DPY30: variants seen among roughly 807,000 people sequenced by gnomAD.
DPY30 encodes dpy-30 histone methyltransferase complex regulatory subunit, also known as protein dpy-30 homolog.
Under a neutral mutation model 16.2 loss-of-function variants are expected in DPY30, and 6 were observed. The observed-to-expected ratio is 0.37, with a 90% CI of 0.20 to 0.73. The LOEUF (loss-of-function observed/expected upper bound fraction) is 0.73, where lower values mean the gene tolerates loss of function less well. DPY30 is among the 30% of genes least tolerant of loss of function. The pLI is 0.51. For synonymous variants in DPY30, 39 were observed against 38.8 expected (o/e 1.00, Z -0.02); for missense variants, 73 against 113.1 (o/e 0.65, Z 1.61).
At chr2:32,026,775 A>T (rs977985073) in intron 4 of DPY30, among the ~76,000 whole-genome samples, 15 of 152,052 alleles carry the variant, frequency 9.9e-5, no homozygotes, top group Non-Finnish European at 2.2e-4. Context: ...GCAACATAGC[A>T]TCCAGCCTGG....
At chr2:32,034,303 C>T (rs1353626930) in intron 3 of DPY30, among the ~76,000 whole-genome samples, 1 of 152,194 alleles carries the variant, frequency 6.6e-6, no homozygotes, top group Non-Finnish European at 1.5e-5. Context: ...GGCCACAGTT[C>T]TGCAAGCTAC....
At chr2:32,022,939 C>A (rs1370030661), downstream of DPY30, among the ~76,000 whole-genome samples, 2 of 152,088 alleles carry the variant, frequency 1.3e-5, no homozygotes, top group African/African-American at 2.4e-5. Flanking sequence ...CTAGATAATT[C>A]TTGGGGAGGG....
At chr2:32,022,209 CAA>C (rs200317417), downstream of DPY30, among the ~76,000 whole-genome samples, 56 of 64,288 alleles carry the variant, frequency 8.7e-4, no homozygotes, top group East Asian at 1.0e-3. Flanking sequence ...GACCTTGTCT[CAA>C]AAAAAAAAAA....
downstream of DPY30, among the ~76,000 whole-genome samples, chr2:32,019,836 ATATAT>A (rs1289254216): frequency 5.7e-4 from 69 of 121,670 alleles, no homozygotes; most frequent in African/African-American, 2.2e-3. Context: ...AAAAAAAAAA[ATATAT>A]ATATATATAT....
downstream of DPY30, among the ~76,000 whole-genome samples, chr2:32,022,738 G>C (rs1028854548): frequency 5.9e-5 from 9 of 151,736 alleles, no homozygotes; most frequent in African/African-American, 1.9e-4. Flanking sequence ...GGCTGGTCTC[G>C]AACTCCTGAC....
downstream of DPY30, chr2:32,023,476 T>C: frequency 2.1e-6 from 1 of 474,364 alleles, no homozygotes; most frequent in Non-Finnish European, 4.3e-6. Flanking sequence ...TTTCCTCATC[T>C]GCAAAATGGG....
intron 4 of DPY30, among the ~76,000 whole-genome samples, chr2:32,027,465 G>A (rs1161121126): frequency 6.7e-6 from 1 of 150,274 alleles, no homozygotes; most frequent in African/African-American, 2.5e-5. Flanking sequence ...AGGAGGTGGA[G>A]GTTGCAGTGA....
At chr2:32,020,064 G>T (rs926254606), downstream of DPY30, among the ~76,000 whole-genome samples, 19 of 149,124 alleles carry the variant, frequency 1.3e-4, no homozygotes, top group Non-Finnish European at 1.5e-4. Context: ...TAAATGAAGT[G>T]TTAAACTAGC....
intron 5 of DPY30, chr2:32,012,976 G>C (rs1370519811): frequency 6.6e-6 from 1 of 152,120 alleles, no homozygotes; most frequent in African/African-American, 2.4e-5. Flanking sequence ...GAGGGGATTG[G>C]ATACAATTAA....
chr2:32,034,995 CA>C (rs1431315792), intron 3 of DPY30, among the ~76,000 whole-genome samples: 1 of 148,842 alleles, frequency 6.7e-6, no homozygotes, highest in Non-Finnish European at 1.5e-5. Flanking sequence ...AACTCCATCT[CA>C]AAAAAGAAAA....
chr2:32,027,625 C>G (rs1675380721), intron 4 of DPY30, among the ~76,000 whole-genome samples: 1 of 149,656 alleles, frequency 6.7e-6, no homozygotes. Flanking sequence ...ACCAAGATAC[C>G]CATTTTTTTT....
downstream of DPY30, among the ~76,000 whole-genome samples, chr2:32,020,561 G>C (rs1424631216): frequency 6.6e-6 from 1 of 151,984 alleles, no homozygotes; most frequent in Non-Finnish European, 1.5e-5. Flanking sequence ...CAAATTTTGA[G>C]GGGTGAGGAA....
downstream of DPY30, chr2:32,023,895 T>C (rs1572991765): frequency 1.4e-5 from 18 of 1,332,132 alleles, no homozygotes; most frequent in Non-Finnish European, 1.7e-5. Context: ...CAAAAACTAC[T>C]TTAAAATAAT....
intron 3 of DPY30, among the ~76,000 whole-genome samples, chr2:32,030,453 A>AC (rs1675492251): frequency 6.6e-6 from 1 of 151,864 alleles, no homozygotes; most frequent in South Asian, 2.1e-4. Context: ...ACACAGTGAA[A>AC]CCCCATCTCT....
chr2:32,031,202 C>A (rs1323178892), intron 3 of DPY30, among the ~76,000 whole-genome samples: 1 of 151,960 alleles, frequency 6.6e-6, no homozygotes, highest in African/African-American at 2.4e-5. Flanking sequence ...GCACGCCGAC[C>A]ATGAGGTCAG....
chr2:32,027,244 G>A (rs1354002139), intron 4 of DPY30, among the ~76,000 whole-genome samples: 4 of 141,336 alleles, frequency 2.8e-5, no homozygotes, highest in Admixed American at 7.5e-5. Context: ...CACTGCATTC[G>A]AGCCTGGGCA....
Position 32,027,659 on chromosome 2 carries a change from C to T in DPY30, c.227+1935G>A, listed in dbSNP as rs539083822. Among the ~76,000 whole-genome samples the T allele has an allele frequency of 6.3e-5, 8 of 126,628 alleles. No individual in the cohort carries two copies. The South Asian group carries it at 1.8e-3, about 29-fold the overall frequency. The allele number at this position is 126,628 out of a possible 152,430, so 83.1% of individuals were successfully genotyped here. The stretch of plus-strand genomic sequence containing the variant: ...TTTTTTTTTTTTTTTGAGACGGAGT[C>T]GCTCTGTTGCCCAGGCTGGAGTGCA... On this transcript the variant is annotated intron_variant, in intron 4 of 4. Coordinates refer to ENST00000342166, the MANE Select transcript of DPY30 (RefSeq NM_001321209.2).
At chr2:32,021,910 C>T (rs530829698), downstream of DPY30, among the ~76,000 whole-genome samples, 3 of 152,052 alleles carry the variant, frequency 2.0e-5, no homozygotes, top group African/African-American at 4.8e-5. Context: ...TTATTGATCC[C>T]TTAATAAGAT....
intron 4 of DPY30, among the ~76,000 whole-genome samples, chr2:32,025,623 G>T (rs1003667181): frequency 6.6e-6 from 1 of 151,710 alleles, no homozygotes; most frequent in African/African-American, 2.4e-5. Flanking sequence ...TTAGCCGGGC[G>T]TGGTAGTGCA....
Sources: allele counts gnomAD v4.1 joint callset (sites outside exome capture counted in the v4.1 genomes callset), GRCh38; gene constraint gnomAD v4.1.1; transcripts MANE v1.5; gene names NCBI Gene and HGNC (gene_info 2026-07-23, HGNC 2026-07-21).